SLC11A2: variants seen among roughly 807,000 people sequenced by gnomAD.
SLC11A2 encodes natural resistance-associated macrophage protein 2.
A neutral mutation model predicts 68.0 loss-of-function variants in SLC11A2; 38 were observed. The observed-to-expected ratio is 0.56, with a 90% CI of 0.43 to 0.73. SLC11A2 has a LOEUF of 0.73. Among genes scored for constraint, SLC11A2 ranks in the 30% least tolerant of loss-of-function variants. The probability of loss-of-function intolerance (pLI) is 0.00; values close to 1 mark genes in which losing one functional copy is unlikely to be tolerated. For synonymous variants in SLC11A2, 242 were observed against 250.6 expected (o/e 0.97, Z 0.32); for missense variants, 517 against 690.5 (o/e 0.75, Z 2.82).
downstream of SLC11A2, among the ~76,000 whole-genome samples, chr12:50,979,230 AC>A (rs1939898168): frequency 6.6e-6 from 1 of 152,182 alleles, no homozygotes; most frequent in African/African-American, 2.4e-5. Flanking sequence ...AACCTCCTCT[AC>A]TGGCTTTGAC....
At chr12:50,981,478 T>G, downstream of SLC11A2, 12 of 394,640 alleles carry the variant, frequency 3.0e-5, no homozygotes, top group East Asian at 5.0e-5. Context: ...CACAAGCCCA[T>G]AGGGGTGTGT....
the SLC11A2 span, among the ~76,000 whole-genome samples, chr12:50,963,477 AC>A: frequency 6.6e-6 from 1 of 152,180 alleles, no homozygotes; most frequent in Non-Finnish European, 1.5e-5. Context: ...ACAGACTGGA[AC>A]CCTTGTGGGT....
At chr12:51,027,175 T>TAAA (rs35801453), upstream of SLC11A2, among the ~76,000 whole-genome samples, 1 of 141,822 alleles carries the variant, frequency 7.1e-6, no homozygotes, top group African/African-American at 2.6e-5. Flanking sequence ...AAACTCCGTC[T>TAAA]AAAAAAAAAA....
the SLC11A2 span, among the ~76,000 whole-genome samples, chr12:50,957,263 C>T: frequency 6.6e-6 from 1 of 151,154 alleles, no homozygotes; most frequent in African/African-American, 2.4e-5. Flanking sequence ...CAGGCTGGAG[C>T]GCAATAGCAC....
downstream of SLC11A2, chr12:50,980,940 C>A (rs536497454): frequency 6.6e-6 from 1 of 152,166 alleles, no homozygotes; most frequent in Admixed American, 6.6e-5. Context: ...CAATGCAGCA[C>A]GGAAAACTGA....
chr12:51,017,626 A>G (rs933357317), intron 1 of SLC11A2, among the ~76,000 whole-genome samples: 1 of 152,194 alleles, frequency 6.6e-6, no homozygotes, highest in Admixed American at 6.5e-5. Flanking sequence ...AAAAAATGTC[A>G]AGGTCATATA....
chr12:50,978,767 A>G (rs1018109254), downstream of SLC11A2, among the ~76,000 whole-genome samples: 1 of 152,198 alleles, frequency 6.6e-6, no homozygotes, highest in Non-Finnish European at 1.5e-5. Flanking sequence ...AACAGATAAC[A>G]TAACAATACT....
Position 50,990,816 on chromosome 12 carries a change from A to AT in SLC11A2, c.1553dup (p.Tyr518Ter). Reference protein sequence around the residue: ...YVVAAVVSVAYLGFVFYLGWQ... With the variant: ...YVVAAVVSVA ...TTACCAAGTAGAACACAAAGCCCAG[A>AT]TAAGCCACGCTGACCACAGCAGCCA... The change falls in exon 15 of 16, where the codon TAT (tyrosine) becomes TAAT (stop). Residue 518 changes from tyrosine (Y) to a stop codon, truncating the protein, a stop_gained and frameshift_variant. Coordinates refer to ENST00000262052, the MANE Select transcript of SLC11A2 (RefSeq NM_000617.3). LOFTEE classifies it high-confidence loss of function. 6.2e-7 allele frequency: 1 copy of AT among 1,614,114 alleles called. No individual in the cohort carries two copies. Among genetic ancestry groups the AT allele is most frequent in the South Asian group, 1.1e-5 (1 of 91,090 alleles).
rs1364941701 is a variant in SLC11A2 at position 50,987,969 on chromosome 12, G to A, written c.*356C>T. ...TAGTTTGTATAATAAAAAATGTATTGCATTTTCCAATTTTTTTTTAACATA... is the reference window on the plus strand; with the variant it reads ...TAGTTTGTATAATAAAAAATGTATTACATTTTCCAATTTTTTTTTAACATA... On this transcript the variant is annotated 3_prime_UTR_variant, in exon 16 of 16. Coordinates refer to ENST00000262052, the MANE Select transcript of SLC11A2 (RefSeq NM_000617.3). 2 of 1,295,882 alleles carry A rather than the reference G, an allele frequency of 1.5e-6. No homozygotes were observed. Among genetic ancestry groups the A allele is most frequent in the Non-Finnish European group, 2.0e-6 (2 of 994,490 alleles). The allele number at this position is 1,295,882 out of a possible 1,614,324, so 80.3% of individuals were successfully genotyped here.
At chr12:51,026,055 G>A in intron 1 of SLC11A2, 1 of 1,094,824 alleles carries the variant, frequency 9.1e-7, no homozygotes. Context: ...GGGAAGGGGC[G>A]AGACCCCCGC....
At chr12:51,021,266 C>G (rs1009866181) in intron 1 of SLC11A2, among the ~76,000 whole-genome samples, 3 of 152,140 alleles carry the variant, frequency 2.0e-5, no homozygotes, top group Non-Finnish European at 4.4e-5. Context: ...CCTACAGACA[C>G]CAAACCATAC....
chr12:50,976,486 T>G (rs1234468514), downstream of SLC11A2, among the ~76,000 whole-genome samples: 1 of 152,184 alleles, frequency 6.6e-6, no homozygotes, highest in Non-Finnish European at 1.5e-5. Flanking sequence ...ATTGATGGGA[T>G]GTATCTCAAA....
In SLC11A2 at chr12:50,996,924, C is replaced by T. The variant is rs767138220; in HGVS notation, c.724G>A (p.Val242Ile). The change falls in exon 9 of 16, where the codon GTA (valine) becomes ATA (isoleucine). Residue 242 changes from valine to isoleucine, a missense_variant. Val to Ile is a conservative substitution (Grantham distance 29). Transcript: ENST00000262052. ...SQSQVLKGMF[V>I]PSCSGCRTPQ... The stretch of plus-strand genomic sequence containing the variant: ...GTGCGACAGCCTGAACAGGATGGTA[C>T]GAACATGCCCTTGAGTACCTGGCTC... The T allele has an allele frequency of 5.6e-6, 9 of 1,613,862 alleles. No homozygotes were observed. The East Asian group carries it at 6.7e-5, about 12-fold the overall frequency.
intron 2 of SLC11A2, among the ~76,000 whole-genome samples, chr12:51,010,133 G>C (rs947028268): frequency 2.6e-5 from 4 of 151,626 alleles, no homozygotes; most frequent in Non-Finnish European, 2.9e-5. Context: ...GCAGTGAGCC[G>C]ACACAGTGCC....
chr12:50,956,186 G>A, the SLC11A2 span, among the ~76,000 whole-genome samples: 3 of 152,224 alleles, frequency 2.0e-5, no homozygotes, highest in Non-Finnish European at 4.4e-5. Context: ...GAAATCAGGA[G>A]TTTGAGACCA....
the SLC11A2 span, among the ~76,000 whole-genome samples, chr12:50,964,163 T>A: frequency 0.13 from 19,675 of 152,254 alleles, 1,749 homozygotes; most frequent in East Asian, 0.42. Flanking sequence ...ATTGGGCTAA[T>A]CTATACATAA....
intron 1 of SLC11A2, among the ~76,000 whole-genome samples, chr12:51,018,640 G>A (rs1943832005): frequency 6.6e-6 from 1 of 151,854 alleles, no homozygotes; most frequent in African/African-American, 2.4e-5. Flanking sequence ...AATTAGCTGG[G>A]TGTGGTAGTG....
In SLC11A2 at chr12:51,023,525, C is replaced by A. The variant is rs537287175; in HGVS notation, c.-39+2785G>T. 9.2e-5 allele frequency among the ~76,000 whole-genome samples: 14 copies of A among 152,284 alleles called. No homozygotes were observed. In the East Asian group the frequency reaches 2.3e-3, roughly 25 times the overall value. ...ATCTTCTAATTCATTATATTCCGCT[C>A]ATTCAAATGCCCCTACCTTTTTTCC... On this transcript the variant is annotated intron_variant, in intron 1 of 15. Transcript: ENST00000262052.
intron 5 of SLC11A2, 36 bp from the exon 6 acceptor site, chr12:51,000,455 T>C (rs765502465): frequency 6.7e-7 from 1 of 1,492,376 alleles, no homozygotes; most frequent in Non-Finnish European, 9.3e-7. Flanking sequence ...CGGTTCTGAT[T>C]AATCATTTCT....
Sources: allele counts gnomAD v4.1 joint callset (sites outside exome capture counted in the v4.1 genomes callset), GRCh38; gene constraint gnomAD v4.1.1; transcripts MANE v1.5; gene names NCBI Gene and HGNC (gene_info 2026-07-23, HGNC 2026-07-21).